CDH18: variants seen among roughly 807,000 people sequenced by gnomAD.
CDH18 encodes cadherin-18.
In CDH18, 31 loss-of-function variants were observed where a neutral mutation model predicts 67.9. That is an observed-to-expected ratio of 0.46 (90% CI 0.34 to 0.62). The LOEUF (loss-of-function observed/expected upper bound fraction) is 0.62, where lower values mean the gene tolerates loss of function less well. Among genes scored for constraint, CDH18 ranks in the 20% least tolerant of loss-of-function variants. The pLI, the probability that CDH18 is intolerant of heterozygous loss-of-function variation, is 0.01. For synonymous variants in CDH18, 362 were observed against 347.2 expected (o/e 1.04, Z -0.48); for missense variants, 890 against 975.5 (o/e 0.91, Z 1.17).
intron 1 of CDH18, among the ~76,000 whole-genome samples, chr5:20,556,624 A>G (rs1757920881): frequency 6.6e-6 from 1 of 152,120 alleles, no homozygotes; most frequent in Non-Finnish European, 1.5e-5. Flanking sequence ...TCAAGACACC[A>G]GATATTTACA....
intron 1 of CDH18, among the ~76,000 whole-genome samples, chr5:20,399,078 T>C (rs551712625): frequency 1.3e-5 from 2 of 152,162 alleles, no homozygotes; most frequent in East Asian, 3.9e-4. Flanking sequence ...AGCAATGAAA[T>C]GAACCATGGA....
chr5:19,969,287 G>C (rs1159495185), intron 2 of CDH18, among the ~76,000 whole-genome samples: 4 of 140,844 alleles, frequency 2.8e-5, no homozygotes, highest in African/African-American at 1.2e-4. Flanking sequence ...TCAGTGTGGC[G>C]ATTCCTCAGG....
At chr5:19,524,796 A>T (rs901063285) in intron 9 of CDH18, among the ~76,000 whole-genome samples, 4 of 152,064 alleles carry the variant, frequency 2.6e-5, no homozygotes, top group Non-Finnish European at 5.9e-5. Context: ...CCCAGGCTGG[A>T]GTGCAGTGGC....
At chr5:19,809,487 C>A (rs1167851737) in intron 3 of CDH18, among the ~76,000 whole-genome samples, 2 of 151,814 alleles carry the variant, frequency 1.3e-5, no homozygotes, top group African/African-American at 4.8e-5. Flanking sequence ...ATGTAACTAA[C>A]CTGCACATTG....
intron 2 of CDH18, among the ~76,000 whole-genome samples, chr5:19,925,881 T>C (rs1412351708): frequency 1.3e-5 from 2 of 152,212 alleles, no homozygotes; most frequent in East Asian, 1.9e-4. Flanking sequence ...TAATTCTGTA[T>C]CTTTACATTT....
At chr5:20,287,703 A>G (rs903829580) in intron 1 of CDH18, among the ~76,000 whole-genome samples, 9 of 151,896 alleles carry the variant, frequency 5.9e-5, no homozygotes, top group African/African-American at 1.9e-4. Context: ...TGTAAATCCA[A>G]TTGAAAACAT....
intron 11 of CDH18, among the ~76,000 whole-genome samples, chr5:19,487,210 G>A (rs973410062): frequency 2.6e-5 from 4 of 152,146 alleles, no homozygotes; most frequent in Non-Finnish European, 5.9e-5. Context: ...TGATTGAAAG[G>A]TAGGTAAATA....
intron 1 of CDH18, among the ~76,000 whole-genome samples, chr5:20,514,520 GA>G (rs376253647): frequency 4.2e-4 from 64 of 152,198 alleles, no homozygotes; most frequent in African/African-American, 1.4e-3. Context: ...CTTTTGTTTT[GA>G]TGATCGTTGA....
chr5:20,456,815 C>A (rs979386578), intron 1 of CDH18, among the ~76,000 whole-genome samples: 3 of 151,934 alleles, frequency 2.0e-5, no homozygotes, highest in Non-Finnish European at 4.4e-5. Flanking sequence ...AATGTAGCTG[C>A]CTAGATTTTT....
chr5:19,497,718 A>G (rs1423996337), intron 11 of CDH18, among the ~76,000 whole-genome samples: 1 of 152,230 alleles, frequency 6.6e-6, no homozygotes, highest in Non-Finnish European at 1.5e-5. Flanking sequence ...TAGCTACCTT[A>G]TGTAATTCTA....
At chr5:19,973,369 C>T (rs1038687632) in intron 2 of CDH18, among the ~76,000 whole-genome samples, 4 of 151,990 alleles carry the variant, frequency 2.6e-5, no homozygotes, top group African/African-American at 7.2e-5. Context: ...TGGTGGTTAC[C>T]TGTGTATGGT....
chr5:20,131,315 TA>T (rs1475482854), intron 2 of CDH18, among the ~76,000 whole-genome samples: 23 of 152,254 alleles, frequency 1.5e-4, no homozygotes, highest in Admixed American at 1.5e-3. Context: ...CAAAAATCTG[TA>T]AGACAAAATA....
chr5:20,096,009 G>T (rs1283439423), intron 2 of CDH18, among the ~76,000 whole-genome samples: 1 of 151,936 alleles, frequency 6.6e-6, no homozygotes, highest in Non-Finnish European at 1.5e-5. Context: ...TTTTAAAAGC[G>T]ATTTGAAAGG....
intron 1 of CDH18, among the ~76,000 whole-genome samples, chr5:20,367,544 T>C (rs1267981127): frequency 6.6e-6 from 1 of 152,220 alleles, no homozygotes; most frequent in Non-Finnish European, 1.5e-5. Flanking sequence ...TTTCAGTAGA[T>C]AATTTTCTGT....
At chr5:19,494,722 C>T (rs557023308) in intron 11 of CDH18, among the ~76,000 whole-genome samples, 2 of 152,286 alleles carry the variant, frequency 1.3e-5, no homozygotes, top group South Asian at 2.1e-4. Flanking sequence ...CTCTGATTCC[C>T]AGAGATTCCT....
intron 3 of CDH18, among the ~76,000 whole-genome samples, chr5:19,795,123 A>G (rs184982333): frequency 4.2e-4 from 64 of 152,258 alleles, no homozygotes; most frequent in African/African-American, 1.5e-3. Flanking sequence ...TCAGGCAAAC[A>G]TGACAGCTTT....
intron 3 of CDH18, among the ~76,000 whole-genome samples, chr5:19,833,124 G>A (rs1296231849): frequency 2.0e-5 from 3 of 151,952 alleles, no homozygotes; most frequent in Admixed American, 6.6e-5. Context: ...GCAATATGGC[G>A]ATTTTCATGA....
chr5:19,564,977 C>A (rs147387383), intron 8 of CDH18, among the ~76,000 whole-genome samples: 430 of 151,958 alleles, frequency 2.8e-3, no homozygotes, highest in African/African-American at 0.01. Context: ...GAGGGAAGAG[C>A]GGGAAGAACT....
chr5:20,542,945 T>C (rs895129537), intron 1 of CDH18, among the ~76,000 whole-genome samples: 1 of 152,090 alleles, frequency 6.6e-6, no homozygotes, highest in African/African-American at 2.4e-5. Flanking sequence ...AAAACATTTG[T>C]AGCATGGAAA....
Sources: gnomAD v4.1 joint callset for allele counts (sites outside exome capture counted in the v4.1 genomes callset) on GRCh38, gnomAD v4.1.1 for gene constraint, MANE v1.5 for transcripts, NCBI Gene and HGNC (gene_info 2026-07-23, HGNC 2026-07-21) for gene names.